CHST11: variants seen among roughly 807,000 people sequenced by gnomAD.
The protein encoded by CHST11 is carbohydrate sulfotransferase 11, also known as C4S-1.
CHST11 carries 9 observed loss-of-function variants against 30.4 expected under a neutral mutation model. That is an observed-to-expected ratio of 0.30 (90% confidence interval 0.18 to 0.52). The LOEUF is 0.52. CHST11 is among the 20% of genes least tolerant of loss of function. The probability of loss-of-function intolerance (pLI) is 0.97; values close to 1 mark genes in which losing one functional copy is unlikely to be tolerated. For synonymous variants in CHST11, 152 were observed against 187.8 expected, an observed-to-expected ratio of 0.81 and a Z score of 1.56; for missense variants, 348 against 460.6, an observed-to-expected ratio of 0.76 and a Z score of 2.24.
intron 2 of CHST11, among the ~76,000 whole-genome samples, chr12:104,718,316 TTC>T (rs2040147414): frequency 6.6e-6 from 1 of 152,190 alleles, no homozygotes; most frequent in Non-Finnish European, 1.5e-5. Flanking sequence ...CTCCAGAATC[TTC>T]TCTCTTTCCT....
In CHST11 at chr12:104,637,302, T is replaced by TAAAAAAAAAA. The variant is rs10622882; in HGVS notation, c.204+35335_204+35344dup. On this transcript the variant is annotated intron_variant, in intron 2 of 2. Coordinates refer to ENST00000303694, the MANE Select transcript of CHST11 (RefSeq NM_018413.6). ...CCTGGGCCATGGGAGTGAGACCCTG[T>TAAAAAAAAAA]AAAAAAAAAAAAAAAAAAAAAAAAA... Among the ~76,000 whole-genome samples the TAAAAAAAAAA allele has an allele frequency of 8.9e-4, 56 of 62,572 alleles. 2 individuals carry two copies. Among genetic ancestry groups the TAAAAAAAAAA allele is most frequent in the African/African-American group, 1.3e-3 (16 of 11,948 alleles). The allele number at this position is 62,572 out of a possible 152,430, so 41.0% of individuals were successfully genotyped here.
chr12:104,486,724 A>T (rs1046561486), intron 1 of CHST11, among the ~76,000 whole-genome samples: 2 of 152,180 alleles, frequency 1.3e-5, no homozygotes, highest in Non-Finnish European at 2.9e-5. Flanking sequence ...GGAATTTCAG[A>T]GCTGGAAAGA....
At chr12:104,481,734 G>T (rs942526239) in intron 1 of CHST11, among the ~76,000 whole-genome samples, 2 of 152,016 alleles carry the variant, frequency 1.3e-5, no homozygotes, top group African/African-American at 2.4e-5. Context: ...CTTGAAAAAA[G>T]AATATCTTTT....
rs113665659 is a variant in CHST11, at chr12:104,507,803, C to G, written c.118+50274C>G. Reference sequence around the variant, plus strand: ...CAAAGGTACAAGAGCCAGTGAGCCACTCATGTAACTGCTTTTAAGTTCTTT... The same window carrying G: ...CAAAGGTACAAGAGCCAGTGAGCCAGTCATGTAACTGCTTTTAAGTTCTTT... On this transcript the variant is annotated intron_variant, in intron 1 of 2. Coordinates refer to ENST00000303694, the MANE Select transcript of CHST11 (RefSeq NM_018413.6). Among the ~76,000 whole-genome samples the G allele has an allele frequency of 6.3e-3, 959 of 152,232 alleles. 20 individuals are homozygous for G. The highest frequency in any genetic ancestry group is 4.5e-3 in the Non-Finnish European group (305 of 68,016).
intron 2 of CHST11, among the ~76,000 whole-genome samples, chr12:104,756,532 G>GTGTGTGT (rs1555250377): frequency 2.2e-4 from 31 of 143,398 alleles, no homozygotes; most frequent in East Asian, 6.2e-4. Context: ...ATCCATGTGG[G>GTGTGTGT]GTGTGTGTGT....
intron 1 of CHST11, among the ~76,000 whole-genome samples, chr12:104,527,773 A>T (rs1353567369): frequency 1.3e-5 from 2 of 152,214 alleles, no homozygotes; most frequent in Non-Finnish European, 2.9e-5. Flanking sequence ...TGTGTAATTT[A>T]TAAAGAAAAG....
intron 2 of CHST11, among the ~76,000 whole-genome samples, chr12:104,742,022 C>G (rs1372020403): frequency 6.6e-6 from 1 of 152,174 alleles, no homozygotes; most frequent in East Asian, 1.9e-4. Context: ...CTTGGGAAAC[C>G]ACCCTCTGTA....
chr12:104,725,076 C>T (rs1317511922), intron 2 of CHST11, among the ~76,000 whole-genome samples: 1 of 152,116 alleles, frequency 6.6e-6, no homozygotes, highest in Non-Finnish European at 1.5e-5. Context: ...CTCTTCTAAG[C>T]CCAGCGCCCC....
chr12:104,734,237 T>A (rs1195852459), intron 2 of CHST11, among the ~76,000 whole-genome samples: 3 of 152,240 alleles, frequency 2.0e-5, no homozygotes, highest in Admixed American at 6.5e-5. Flanking sequence ...TTTAAAAATT[T>A]TAAATCCAAC....
chr12:104,691,409 A>G (rs1209065253), intron 2 of CHST11, among the ~76,000 whole-genome samples: 2 of 150,286 alleles, frequency 1.3e-5, no homozygotes, highest in African/African-American at 2.5e-5. Context: ...ACCCACACCA[A>G]CCATTTTTCT....
chr12:104,604,121 C>A (rs1273091337), intron 2 of CHST11, among the ~76,000 whole-genome samples: 2 of 152,168 alleles, frequency 1.3e-5, no homozygotes. Flanking sequence ...GCAGACTCTG[C>A]TTGGTCCCAT....
At chr12:104,633,617 A>G (rs2136069364) in intron 2 of CHST11, among the ~76,000 whole-genome samples, 1 of 151,998 alleles carries the variant, frequency 6.6e-6, no homozygotes, top group Admixed American at 6.5e-5. Context: ...TGGTTTCACC[A>G]TGTTGGCCAG....
At chr12:104,670,241 C>T (rs1199164137) in intron 2 of CHST11, among the ~76,000 whole-genome samples, 1 of 152,178 alleles carries the variant, frequency 6.6e-6, no homozygotes, top group Non-Finnish European at 1.5e-5. Flanking sequence ...TTCCTCAGTC[C>T]TTAGGATGCT....
chr12:104,611,265 A>C (rs1045159348), intron 2 of CHST11, among the ~76,000 whole-genome samples: 1 of 152,226 alleles, frequency 6.6e-6, no homozygotes, highest in East Asian at 1.9e-4. Context: ...TTGTGTTTTC[A>C]TGCTAAGTCT....
chr12:104,577,385 T>C (rs2038694961), intron 1 of CHST11, among the ~76,000 whole-genome samples: 1 of 151,994 alleles, frequency 6.6e-6, no homozygotes, highest in African/African-American at 2.4e-5. Flanking sequence ...ACTTGAGAGC[T>C]CTTTTTGGAA....
intron 2 of CHST11, among the ~76,000 whole-genome samples, chr12:104,736,148 A>G (rs1024061355): frequency 6.6e-6 from 1 of 152,182 alleles, no homozygotes; most frequent in Non-Finnish European, 1.5e-5. Flanking sequence ...TCCAACGGGA[A>G]GGTGAGAGCA....
chr12:104,604,461 C>T (rs940418897), intron 2 of CHST11, among the ~76,000 whole-genome samples: 10 of 152,140 alleles, frequency 6.6e-5, no homozygotes, highest in Non-Finnish European at 1.3e-4. Context: ...TTCCATCCCA[C>T]GCAAGTTCAG....
chr12:104,607,813 C>T (rs1344159297), intron 2 of CHST11, among the ~76,000 whole-genome samples: 1 of 152,060 alleles, frequency 6.6e-6, no homozygotes, highest in Non-Finnish European at 1.5e-5. Flanking sequence ...TGGTTTTTAC[C>T]TATTGGCAGG....
intron 1 of CHST11, among the ~76,000 whole-genome samples, chr12:104,460,217 G>A (rs911916369): frequency 5.9e-5 from 9 of 152,200 alleles, no homozygotes; most frequent in African/African-American, 2.2e-4. Context: ...AGGCAGAAGG[G>A]ACCACAGCAT....
Sources: gnomAD v4.1 joint callset for allele counts (sites outside exome capture counted in the v4.1 genomes callset) on GRCh38, gnomAD v4.1.1 for gene constraint, MANE v1.5 for transcripts, NCBI Gene and HGNC (gene_info 2026-07-23, HGNC 2026-07-21) for gene names.